SPEF2: variants seen among roughly 807,000 people sequenced by gnomAD.
The protein encoded by SPEF2 is sperm flagellar and cilia associated 2.
Under a neutral mutation model 224.6 loss-of-function variants are expected in SPEF2, and 187 were observed. The observed-to-expected ratio is 0.83, with a 90% CI of 0.74 to 0.94. SPEF2 has a LOEUF of 0.94. Among genes scored for constraint, SPEF2 ranks in the 40% least tolerant of loss-of-function variants. The pLI is 0.00. For synonymous variants in SPEF2, 715 were observed against 707.3 expected (o/e 1.01, Z -0.17); for missense variants, 2,170 against 2,135.6 (o/e 1.02, Z -0.32).
intron 36 of SPEF2, among the ~76,000 whole-genome samples, chr5:35,810,352 C>T (rs1758458693): frequency 6.6e-6 from 1 of 152,104 alleles, no homozygotes; most frequent in Non-Finnish European, 1.5e-5. Flanking sequence ...GCTGGGATGA[C>T]AGGTGCCTGC....
chr5:35,640,751 A>C (rs888653121), intron 2 of SPEF2, among the ~76,000 whole-genome samples: 30 of 152,168 alleles, frequency 2.0e-4, no homozygotes, highest in African/African-American at 7.2e-4. Flanking sequence ...ATGTTAAAAG[A>C]GTTACTAGTA....
chr5:35,641,384 T>G, intron 2 of SPEF2, 47 bp from the exon 3 acceptor site: 1 of 1,553,968 alleles, frequency 6.4e-7, no homozygotes, highest in Non-Finnish European at 8.7e-7. Context: ...TTGTTTGTCT[T>G]TAATTTAATG....
At chr5:35,776,227 T>C (rs758325490) in intron 28 of SPEF2, 30 bp from the exon 29 acceptor site, 40 of 1,593,512 alleles carry the variant, frequency 2.5e-5, no homozygotes, top group Non-Finnish European at 3.2e-5. Context: ...TGCAATATGT[T>C]AAAACATTCT....
At chr5:35,787,711 A>G (rs1224646931) in intron 30 of SPEF2, among the ~76,000 whole-genome samples, 1 of 152,164 alleles carries the variant, frequency 6.6e-6, no homozygotes, top group Admixed American at 6.5e-5. Flanking sequence ...CTGTGATATA[A>G]ACTAGTTAAA....
intron 12 of SPEF2, among the ~76,000 whole-genome samples, chr5:35,693,713 A>G (rs1289120909): frequency 6.6e-6 from 1 of 152,152 alleles, no homozygotes; most frequent in Non-Finnish European, 1.5e-5. Context: ...TCTCTACCTT[A>G]TGCTGCCTCT....
At chr5:35,746,747 T>A (rs552385140) in intron 23 of SPEF2, among the ~76,000 whole-genome samples, 1 of 152,084 alleles carries the variant, frequency 6.6e-6, no homozygotes, top group African/African-American at 2.4e-5. Flanking sequence ...GAAAACATAT[T>A]TAGAGGAATA....
intron 21 of SPEF2, among the ~76,000 whole-genome samples, chr5:35,732,235 G>A (rs1745753418): frequency 6.6e-6 from 1 of 152,126 alleles, no homozygotes; most frequent in African/African-American, 2.4e-5. Context: ...ATTTCTTCAT[G>A]AAATCATTGT....
At position 35,636,697 on chromosome 5, in the gene SPEF2, G is replaced by T. The variant is rs115263865; in HGVS notation, c.162-4734G>T. On this transcript the variant is annotated intron_variant, in intron 2 of 36. Coordinates refer to ENST00000356031, the MANE Select transcript of SPEF2 (RefSeq NM_024867.4). ...TAGTCAAATAGTAATACTCTGGGCC[G>T]GGTGTGGTGGCTAATGCCTGTAATC... Among the ~76,000 whole-genome samples the T allele has an allele frequency of 2.9e-3, 445 of 152,208 alleles. 4 individuals are homozygous for T. The highest frequency in any genetic ancestry group is 0.01 in the African/African-American group (427 of 41,546).
At chr5:35,622,684 C>T (rs56326567) in intron 1 of SPEF2, among the ~76,000 whole-genome samples, 14,542 of 152,106 alleles carry the variant, frequency 0.096, 854 homozygotes, top group East Asian at 0.18. Flanking sequence ...TTGCTTCTGA[C>T]GTAAAGCAAC....
chr5:35,705,370 T>A lies in SPEF2; in HGVS notation c.2508-281T>A, dbSNP rs1476573161. On this transcript the variant is annotated intron_variant, in intron 17 of 36. Coordinates refer to ENST00000356031, the MANE Select transcript of SPEF2 (RefSeq NM_024867.4). ...AGAGTTATTCTACTATGAGCACAGA[T>A]GATGTTTTCTTAGATTTTCACTTAG... Among the ~76,000 whole-genome samples the A allele has an allele frequency of 3.3e-5, 5 of 152,028 alleles. No individual in the cohort carries two copies. In the East Asian group the frequency reaches 9.6e-4, roughly 29 times the overall value.
intron 10 of SPEF2, among the ~76,000 whole-genome samples, chr5:35,688,732 G>A (rs1030453410): frequency 2.0e-4 from 30 of 152,076 alleles, no homozygotes; most frequent in African/African-American, 6.0e-4. Flanking sequence ...TAACTTAGTC[G>A]TTGCAATACT....
rs867575646 is a variant in SPEF2 at position 35,803,488 on chromosome 5, A to G, written c.5011-3219A>G. On this transcript the variant is annotated intron_variant, in intron 34 of 36. Transcript: ENST00000356031. Reference sequence around the variant, plus strand: ...CCAAGAACACTGCGCTGCAGAGATTAAGCTAGTGGGTGGGAGGTGGAGCCT... The same window carrying G: ...CCAAGAACACTGCGCTGCAGAGATTGAGCTAGTGGGTGGGAGGTGGAGCCT... 2.0e-5 allele frequency among the ~76,000 whole-genome samples: 3 copies of G among 152,156 alleles called. No individual in the cohort carries two copies. The East Asian group carries it at 5.8e-4, about 29-fold the overall frequency.
intron 18 of SPEF2, among the ~76,000 whole-genome samples, chr5:35,708,569 ACAC>A (rs1740311741): frequency 1.1e-5 from 1 of 91,574 alleles, no homozygotes; most frequent in African/African-American, 4.2e-5. Context: ...CACCACTACC[ACAC>A]CACCACCATC....
intron 25 of SPEF2, among the ~76,000 whole-genome samples, chr5:35,760,019 A>AAATTCTG (rs1225108649): frequency 6.6e-6 from 1 of 152,158 alleles, no homozygotes; most frequent in East Asian, 1.9e-4. Flanking sequence ...TGGTATACAC[A>AAATTCTG]AATTCTGAAT....
chr5:35,695,078 A>G (rs1755102504), intron 13 of SPEF2, among the ~76,000 whole-genome samples: 1 of 152,202 alleles, frequency 6.6e-6, no homozygotes, highest in Non-Finnish European at 1.5e-5. Context: ...CAGGTTTACT[A>G]TGAGCATACA....
At position 35,646,677 on chromosome 5, in the gene SPEF2, A is replaced by G. The variant is rs1747413656; in HGVS notation, c.596A>G (p.Asn199Ser). 6.2e-7 allele frequency: 1 copy of G among 1,613,610 alleles called. No homozygotes were observed. Among genetic ancestry groups the G allele is most frequent in the East Asian group, 2.2e-5 (1 of 44,796 alleles). Residue 199 changes from asparagine to serine, a missense_variant, in exon 5 of 37, where the codon AAC becomes AGC. By Grantham distance (46) the Asn-to-Ser change is conservative. Transcript: ENST00000356031. ...ATATGGGATATTCAGCAATACTTAA[A>G]CAGAAGACGACAAAATGAAATAATG... The part of the protein sequence containing the change: ...RCFDIEKQYL[N>S]RRRQNEIMAK...
intron 26 of SPEF2, among the ~76,000 whole-genome samples, chr5:35,766,205 G>T (rs1009198066): frequency 6.6e-6 from 1 of 151,966 alleles, no homozygotes; most frequent in Admixed American, 6.6e-5. Context: ...TGGAAGTTGG[G>T]ATTATTTCTT....
intron 35 of SPEF2, 70 bp from the exon 36 acceptor site, chr5:35,807,061 A>G (rs1758164621): frequency 3.2e-6 from 5 of 1,566,988 alleles, no homozygotes; most frequent in African/African-American, 1.4e-5. Context: ...TCTTTAGTAA[A>G]TACAACCATT....
rs770419063 is a variant in SPEF2, at chr5:35,695,727, A to G, written c.1976-8A>G. 6.9e-6 allele frequency: 11 copies of G among 1,605,672 alleles called. No homozygotes were observed. In the South Asian group the frequency reaches 7.9e-5, roughly 11 times the overall value. On this transcript the variant is annotated splice_region_variant and splice_polypyrimidine_tract_variant and intron_variant, in intron 13 of 36. Transcript: ENST00000356031. ...GAAATTTGTTCTTACCACTTTTCCT[A>G]TTGCTAGGTGCTAATGCTGATAAAA... is the stretch of plus-strand genomic sequence containing the variant.
Sources: allele counts gnomAD v4.1 joint callset (sites outside exome capture counted in the v4.1 genomes callset), GRCh38; gene constraint gnomAD v4.1.1; transcripts MANE v1.5; gene names NCBI Gene and HGNC (gene_info 2026-07-23, HGNC 2026-07-21).